The following PRKAR1A variants were observed in gnomAD, a reference collection of about 807,000 sequenced individuals.
PRKAR1A encodes the protein cAMP-dependent protein kinase type I-alpha regulatory subunit.
PRKAR1A carries 3 observed loss-of-function variants against 52.0 expected under a neutral mutation model. The ratio of observed to expected loss-of-function variants is 0.06; its 90% CI spans 0.03 to 0.15. PRKAR1A has a LOEUF of 0.15. Among genes scored for constraint, PRKAR1A ranks in the 10% least tolerant of loss-of-function variants. The probability of loss-of-function intolerance (pLI) is 1.00; values close to 1 mark genes in which losing one functional copy is unlikely to be tolerated. For missense variants in PRKAR1A, 240 were observed against 477.4 expected (o/e 0.50, Z 4.63); for synonymous variants, 188 against 168.4 (o/e 1.12, Z -0.90).
At chr17:68,485,120 A>C in the PRKAR1A span, among the ~76,000 whole-genome samples, 2 of 152,216 alleles carry the variant, frequency 1.3e-5, no homozygotes, top group Non-Finnish European at 2.9e-5. Flanking sequence ...CCTTTCTGCT[A>C]ATTAGATTAT....
At chr17:68,483,467 C>T in the PRKAR1A span, among the ~76,000 whole-genome samples, 5 of 151,882 alleles carry the variant, frequency 3.3e-5, no homozygotes, top group African/African-American at 1.2e-4. Flanking sequence ...GGAAATAGAG[C>T]AAGACTCCGT....
At chr17:68,539,215 G>T in intron 11 of PRKAR1A, 1 of 874,396 alleles carries the variant, frequency 1.1e-6, no homozygotes, top group Non-Finnish European at 1.9e-6. Context: ...GGTGATTCAT[G>T]TCATTCTACC....
Position 68,530,716 on chromosome 17 carries a change from C to T in PRKAR1A, c.*267C>T. 5.9e-6 allele frequency: 8 copies of T among 1,363,278 alleles called. No homozygotes were observed. Among genetic ancestry groups the T allele is most frequent in the Non-Finnish European group, 3.8e-6 (4 of 1,053,908 alleles). The allele number at this position is 1,363,278 out of a possible 1,614,324, so 84.4% of individuals were successfully genotyped here. On this transcript the variant is annotated 3_prime_UTR_variant, in exon 11 of 11. Transcript: ENST00000589228. ...GTGCAGTGTTAGTATTCACCCTGGGCAGTGAGTGCCATGCTTTTTGGTGAG... is the reference window on the plus strand; with the variant it reads ...GTGCAGTGTTAGTATTCACCCTGGGTAGTGAGTGCCATGCTTTTTGGTGAG...
chr17:68,434,840 G>T, the PRKAR1A span, among the ~76,000 whole-genome samples: 1 of 151,980 alleles, frequency 6.6e-6, no homozygotes, highest in Non-Finnish European at 1.5e-5. Context: ...CCTTCCACCT[G>T]TGCCCAAGGC....
chr17:68,434,706 T>C, the PRKAR1A span: 43 of 1,477,054 alleles, frequency 2.9e-5, no homozygotes, highest in African/African-American at 3.9e-4. Context: ...GAGTTTGTTT[T>C]ATTGGTTTTG....
chr17:68,537,727 GTTTTC>G (rs1276298347), downstream of PRKAR1A: 1 of 1,611,892 alleles, frequency 6.2e-7, no homozygotes, highest in Non-Finnish European at 8.5e-7. The surrounding 1 kb of genome is among the most constrained non-coding windows in gnomAD (Gnocchi z 4.2). Context: ...GTGCAAAAGT[GTTTTC>G]TTTTTTATCC....
At chr17:68,466,228 C>T in the PRKAR1A span, among the ~76,000 whole-genome samples, 1 of 152,082 alleles carries the variant, frequency 6.6e-6, no homozygotes, top group South Asian at 2.1e-4. Flanking sequence ...CTCGCACGTG[C>T]GGGGACCTGC....
intron 1 of PRKAR1A, 151 bp downstream of exon 1, chr17:68,512,699 C>T (rs974660347): frequency 1.2e-4 from 19 of 152,360 alleles, no homozygotes; most frequent in African/African-American, 4.3e-4. Flanking sequence ...CGGCGGGCGC[C>T]TCCCCGCAGG....
At chr17:68,435,499 T>G in the PRKAR1A span, 2 of 961,332 alleles carry the variant, frequency 2.1e-6, no homozygotes, top group African/African-American at 1.6e-5. Flanking sequence ...TGAAACAAAT[T>G]CTGAGTGGGC....
chr17:68,514,416 A>C (rs2085365457), intron 1 of PRKAR1A, among the ~76,000 whole-genome samples: 1 of 152,212 alleles, frequency 6.6e-6, no homozygotes, highest in South Asian at 2.1e-4. Flanking sequence ...TAGGAGTTGG[A>C]AGGAAAACAG....
the PRKAR1A span, among the ~76,000 whole-genome samples, chr17:68,431,964 C>T: frequency 2.6e-5 from 4 of 152,182 alleles, no homozygotes; most frequent in Non-Finnish European, 4.4e-5. Context: ...AGCTCAGCCG[C>T]CCTCTAGTGC....
chr17:68,478,759 G>A, the PRKAR1A span, among the ~76,000 whole-genome samples: 5 of 146,946 alleles, frequency 3.4e-5, no homozygotes, highest in South Asian at 2.1e-4. Flanking sequence ...ACAGACTCTC[G>A]CTCTGTAGCC....
At chr17:68,526,596 A>G (rs757431507) in intron 7 of PRKAR1A, among the ~76,000 whole-genome samples, 3 of 152,168 alleles carry the variant, frequency 2.0e-5, no homozygotes, top group Non-Finnish European at 4.4e-5. Context: ...ATTAGATTAG[A>G]TAGATAGTCT....
the PRKAR1A span, among the ~76,000 whole-genome samples, chr17:68,499,365 G>GA: frequency 1.9e-5 from 2 of 105,850 alleles, no homozygotes; most frequent in South Asian, 6.8e-4. Context: ...TAGAAGGGAG[G>GA]AAAAGAGAGA....
chr17:68,473,633 C>CT, the PRKAR1A span, among the ~76,000 whole-genome samples: 7 of 152,286 alleles, frequency 4.6e-5, no homozygotes, highest in East Asian at 1.4e-3. Flanking sequence ...AGCAATTCTC[C>CT]TGCTTCAGCC....
At chr17:68,547,807 C>T (rs942719424) in intron 11 of PRKAR1A, among the ~76,000 whole-genome samples, 6 of 152,200 alleles carry the variant, frequency 3.9e-5, no homozygotes, top group East Asian at 3.8e-4. Context: ...AGTGGAGCAG[C>T]GCTTTTAGCT....
At chr17:68,483,671 G>C in the PRKAR1A span, among the ~76,000 whole-genome samples, 1 of 152,100 alleles carries the variant, frequency 6.6e-6, no homozygotes, top group Non-Finnish European at 1.5e-5. Flanking sequence ...AGACCAGCCT[G>C]ACCAACATGG....
chr17:68,519,566 G>A (rs1014498066), intron 2 of PRKAR1A, among the ~76,000 whole-genome samples: 4 of 152,104 alleles, frequency 2.6e-5, no homozygotes, highest in African/African-American at 9.7e-5. Context: ...ATTTGGGTGG[G>A]GACACAGCCA....
chr17:68,491,096 T>TTC, the PRKAR1A span, among the ~76,000 whole-genome samples: 77 of 76,558 alleles, frequency 1.0e-3, no homozygotes, highest in African/African-American at 1.6e-3. Context: ...CTTTCTTTCT[T>TTC]TTTTTTTTTT....
Sources: allele counts gnomAD v4.1 joint callset (sites outside exome capture counted in the v4.1 genomes callset), GRCh38; gene constraint gnomAD v4.1.1; non-coding constraint Gnocchi (gnomAD v3.1); transcripts MANE v1.5; gene names NCBI Gene and HGNC (gene_info 2026-07-23, HGNC 2026-07-21).